Variants in CCDC18 observed in about 807,000 individuals in gnomAD.
CCDC18 encodes the protein coiled-coil domain containing 18, also known as coiled-coil domain-containing protein 18.
Under a neutral mutation model 196.0 loss-of-function variants are expected in CCDC18, and 157 were observed. That is an observed-to-expected ratio of 0.80 (90% CI 0.70 to 0.91). CCDC18 has a LOEUF of 0.91. Among genes scored for constraint, CCDC18 ranks in the 40% least tolerant of loss-of-function variants. The pLI is 0.00. For synonymous variants in CCDC18, 482 were observed against 529.2 expected, an observed-to-expected ratio of 0.91 and a Z score of 1.22; for missense variants, 1,465 against 1,611.6, an observed-to-expected ratio of 0.91 and a Z score of 1.56.
At chr1:93,273,726 G>A (rs1665481668) in intron 28 of CCDC18, 4 of 152,114 alleles carry the variant, frequency 2.6e-5, no homozygotes, top group Admixed American at 2.6e-4. Flanking sequence ...CTACTCCAGT[G>A]ACCCTTGCAG....
At position 93,214,786 on chromosome 1, in the gene CCDC18, A is replaced by G. The variant is rs997150784; in HGVS notation, c.1539A>G (p.Gln513=). 5 of 1,612,792 alleles carry G rather than the reference A, an allele frequency of 3.1e-6. No individual in the cohort carries two copies. The highest frequency in any genetic ancestry group is 2.7e-5 in the African/African-American group (2 of 74,912). ...KDQNQHTMNK[Q]YEKERQRLVT... is the part of the protein sequence containing the mutation. ...AAAATCAACATACTATGAACAAGCA[A>G]TATGAAAAAGAGAGGCAAAGACTTG... The change falls in exon 12 of 29, where the codon CAA becomes CAG. Residue 513 remains glutamine (Q), a synonymous_variant. Coordinates refer to ENST00000690025, the MANE Select transcript of CCDC18 (RefSeq NM_001378204.1).
At chr1:93,222,000 C>G (rs2102234404) in intron 16 of CCDC18, 64 bp downstream of exon 16, 1 of 1,116,388 alleles carries the variant, frequency 9.0e-7, no homozygotes, top group Non-Finnish European at 1.3e-6. Flanking sequence ...GACAGAATCT[C>G]TCTCATTTGC....
upstream of CCDC18, chr1:93,180,454 G>T: frequency 7.2e-7 from 1 of 1,392,506 alleles, no homozygotes; most frequent in South Asian, 1.3e-5. Flanking sequence ...GTCCTATTCC[G>T]CAACCGCCTC....
Position 93,217,870 on chromosome 1 carries a change from G to A in CCDC18, c.1962+1G>A. The A allele has an allele frequency of 6.2e-7, 1 of 1,605,864 alleles. No individual in the cohort carries two copies. Among genetic ancestry groups the A allele is most frequent in the East Asian group, 2.2e-5 (1 of 44,782 alleles). ...AGAAATGGAAAAGCAGATTGAAAGA[G>A]TAAGTAATACATATTTAGAATATGA... is the stretch of plus-strand genomic sequence containing the variant. On this transcript the variant is annotated splice_donor_variant, in intron 14 of 28. Transcript: ENST00000690025. LOFTEE classifies it high-confidence loss of function.
Position 93,180,828 on chromosome 1 carries a change from C to T in CCDC18, c.-27C>T, listed in dbSNP as rs768823814. ...GGTCAGAGGCTTCCTAACGCAGACT[C>T]GAGTGCGAAGCGCGCAGTCGCCGGG... On this transcript the variant is annotated 5_prime_UTR_variant, in exon 1 of 29. Coordinates refer to ENST00000690025, the MANE Select transcript of CCDC18 (RefSeq NM_001378204.1). 2 of 1,367,694 alleles carry T rather than the reference C, an allele frequency of 1.5e-6. No homozygotes were observed. The highest frequency in any genetic ancestry group is 9.8e-7 in the Non-Finnish European group (1 of 1,021,992). The allele number at this position is 1,367,694 out of a possible 1,614,324, so 84.7% of individuals were successfully genotyped here.
At chr1:93,226,292 T>A in intron 16 of CCDC18, 41 bp from the exon 17 acceptor site, 5 of 890,324 alleles carry the variant, frequency 5.6e-6, no homozygotes, top group South Asian at 3.1e-5. Flanking sequence ...GAGTATATCG[T>A]TTTGTGTTTT....
At chr1:93,214,998 A>G (rs1656253590) in intron 12 of CCDC18, 32 bp downstream of exon 12, 1 of 1,375,042 alleles carries the variant, frequency 7.3e-7, no homozygotes, top group South Asian at 1.4e-5. Context: ...TATATATGTT[A>G]ATTTTTGAAC....
At chr1:93,275,989 G>C (rs1042096223) in intron 28 of CCDC18, among the ~76,000 whole-genome samples, 2 of 152,220 alleles carry the variant, frequency 1.3e-5, no homozygotes, top group Non-Finnish European at 1.5e-5. Flanking sequence ...CCTGGGTCTG[G>C]ATAGCATTTG....
At chr1:93,251,089 T>C (rs553511581) in intron 23 of CCDC18, among the ~76,000 whole-genome samples, 2 of 152,324 alleles carry the variant, frequency 1.3e-5, no homozygotes, top group South Asian at 4.1e-4. Flanking sequence ...TATGATTAAT[T>C]GGTTGCTGTT....
At chr1:93,273,948 T>C (rs1267904837) in intron 28 of CCDC18, among the ~76,000 whole-genome samples, 1 of 152,204 alleles carries the variant, frequency 6.6e-6, no homozygotes, top group African/African-American at 2.4e-5. Flanking sequence ...TAGTACCTAA[T>C]AGTTCTACTG....
chr1:93,216,125 A>G (rs1407625270), intron 12 of CCDC18, among the ~76,000 whole-genome samples: 1 of 152,250 alleles, frequency 6.6e-6, no homozygotes, highest in Non-Finnish European at 1.5e-5. Flanking sequence ...GACAGTTTAT[A>G]ACTATGGCTA....
At chr1:93,265,565 G>C (rs775815122) in intron 27 of CCDC18, among the ~76,000 whole-genome samples, 59 of 152,154 alleles carry the variant, frequency 3.9e-4, no homozygotes, top group Non-Finnish European at 5.9e-4. Context: ...GTCCTATTCT[G>C]TGCCAACTCT....
At chr1:93,210,402 A>G (rs1271437748) in intron 9 of CCDC18, among the ~76,000 whole-genome samples, 2 of 152,156 alleles carry the variant, frequency 1.3e-5, no homozygotes, top group African/African-American at 4.8e-5. Context: ...TCAGATCCCA[A>G]TTATCTTCCT....
Position 93,180,808 on chromosome 1 carries a change from G to A in CCDC18, c.-47G>A. On this transcript the variant is annotated 5_prime_UTR_variant, in exon 1 of 29. Coordinates refer to ENST00000690025, the MANE Select transcript of CCDC18 (RefSeq NM_001378204.1). ...CGCGCAGGGGCCCGGGAAAGGGTCA[G>A]AGGCTTCCTAACGCAGACTCGAGTG... The A allele has an allele frequency of 2.2e-6, 3 of 1,367,850 alleles. No homozygotes were observed. The highest frequency in any genetic ancestry group is 2.9e-6 in the Non-Finnish European group (3 of 1,022,004). 84.7% of individuals were successfully genotyped at this position (1,367,850 alleles called of 1,614,324 possible).
At chr1:93,197,745 C>CT (rs71094240) in intron 6 of CCDC18, among the ~76,000 whole-genome samples, 11,941 of 76,026 alleles carry the variant, frequency 0.16, 1,479 homozygotes, top group African/African-American at 0.3. Context: ...CTTTTCTTTT[C>CT]TTTTTTTTTT....
In CCDC18 at chr1:93,239,781, GGAGAATTAAAAAGTACTTTAA is replaced by G; in HGVS notation, c.2869_2889del (p.Glu957_Arg963del). 3.1e-6 allele frequency: 5 copies of G among 1,613,432 alleles called. No individual in the cohort carries two copies. The highest frequency in any genetic ancestry group is 4.2e-6 in the Non-Finnish European group (5 of 1,179,546). On this transcript the variant is annotated inframe_deletion, in exon 21 of 29. Coordinates refer to ENST00000690025, the MANE Select transcript of CCDC18 (RefSeq NM_001378204.1). ...TGAGACTGAACTACAAAATGCTCAT[GGAGAATTAAAAAGTACTTTAA>G]GACAACTCCAGGAATTGAGAGATGT...
intron 3 of CCDC18, among the ~76,000 whole-genome samples, chr1:93,184,491 G>C (rs549589989): frequency 6.6e-6 from 1 of 151,918 alleles, no homozygotes; most frequent in Admixed American, 6.5e-5. Flanking sequence ...TTATTAAGTA[G>C]TTAAGGTATA....
At chr1:93,219,510 T>C (rs1657066805) in intron 14 of CCDC18, among the ~76,000 whole-genome samples, 1 of 152,222 alleles carries the variant, frequency 6.6e-6, no homozygotes, top group Non-Finnish European at 1.5e-5. Flanking sequence ...ACCATGGCAG[T>C]TGATCTGATA....
intron 4 of CCDC18, among the ~76,000 whole-genome samples, chr1:93,188,012 GAA>G (rs1400417607): frequency 6.6e-6 from 1 of 152,060 alleles, no homozygotes; most frequent in African/African-American, 2.4e-5. Context: ...TTTAAAGTAA[GAA>G]AAGAGACATA....
Sources: allele counts gnomAD v4.1 joint callset (sites outside exome capture counted in the v4.1 genomes callset), GRCh38; gene constraint gnomAD v4.1.1; transcripts MANE v1.5; gene names NCBI Gene and HGNC (gene_info 2026-07-23, HGNC 2026-07-21).